Variants in FRMD8 observed in about 807,000 individuals in gnomAD.
FRMD8 encodes the protein FERM domain containing 8.
A neutral mutation model predicts 54.2 loss-of-function variants in FRMD8; 37 were observed. That is an observed-to-expected ratio of 0.68 (90% CI 0.53 to 0.90). FRMD8 has a LOEUF of 0.90. Ranked by LOEUF, FRMD8 falls within the 40% of genes least tolerant of loss-of-function variation. The pLI, the probability that FRMD8 is intolerant of heterozygous loss-of-function variation, is 0.00. For synonymous variants in FRMD8, 246 were observed against 286.9 expected, an observed-to-expected ratio of 0.86 and a Z score of 1.44; for missense variants, 585 against 653.7, an observed-to-expected ratio of 0.89 and a Z score of 1.15.
intron 3 of FRMD8, among the ~76,000 whole-genome samples, chr11:65,391,561 A>G (rs535980785): frequency 8.7e-4 from 132 of 151,786 alleles, no homozygotes; most frequent in African/African-American, 3.0e-3. Flanking sequence ...CCCAGGTTGG[A>G]GTGCAGTGGT....
chr11:65,394,282 G>T lies in FRMD8; in HGVS notation c.438G>T (p.Arg146=). The change falls in exon 6 of 11, where the codon CGG becomes CGT. Residue 146 remains arginine, a synonymous_variant. Coordinates refer to ENST00000317568, the MANE Select transcript of FRMD8 (RefSeq NM_031904.5). ...AGATCCATGACGAGGAGGTCCTGCGGCTGCTCTATGAGGAGGCCAAGGGCA... is the reference window on the plus strand; with the variant it reads ...AGATCCATGACGAGGAGGTCCTGCGTCTGCTCTATGAGGAGGCCAAGGGCA... ...ELQIHDEEVL[R]LLYEEAKGNV... The T allele has an allele frequency of 6.3e-7, 1 of 1,598,046 alleles. No homozygotes were observed. The highest frequency in any genetic ancestry group is 8.5e-7 in the Non-Finnish European group (1 of 1,172,620).
the FRMD8 span, among the ~76,000 whole-genome samples, chr11:65,371,760 G>C: frequency 6.6e-6 from 1 of 151,848 alleles, no homozygotes; most frequent in Admixed American, 6.6e-5. Flanking sequence ...GACTACAGGT[G>C]CGTGCCACCA....
chr11:65,381,892 C>G (rs1855580976), upstream of FRMD8: 1 of 1,614,056 alleles, frequency 6.2e-7, no homozygotes, highest in African/African-American at 1.3e-5. Flanking sequence ...TGTGATGTGA[C>G]AGAAGGAAGA....
chr11:65,370,593 C>T, the FRMD8 span, among the ~76,000 whole-genome samples: 4 of 151,412 alleles, frequency 2.6e-5, no homozygotes, highest in South Asian at 2.1e-4. Context: ...CCCAGCTACT[C>T]GGGAGGCTGA....
chr11:65,411,540 A>G lies in FRMD8; in HGVS notation c.*180A>G, dbSNP rs946724593. 6.1e-6 allele frequency: 3 copies of G among 489,370 alleles called. No homozygotes were observed. The highest frequency in any genetic ancestry group is 4.0e-5 in the African/African-American group (2 of 50,252). 30.3% of individuals were successfully genotyped at this position (489,370 alleles called of 1,614,324 possible). ...CCCGGGGCCATGCCCGGGCTGTGCA[A>G]AGCTGGCCAGGGCCTCCTGTAGGGC... On this transcript the variant is annotated 3_prime_UTR_variant, in exon 11 of 11. Transcript: ENST00000317568.
At chr11:65,393,494 C>G (rs1855881834) in intron 3 of FRMD8, 79 bp from the exon 4 acceptor site, 2 of 1,043,520 alleles carry the variant, frequency 1.9e-6, no homozygotes. Context: ...TGTCGTCATG[C>G]TGTGCGGTGT....
At chr11:65,400,000 C>A in intron 8 of FRMD8, 141 bp downstream of exon 8, 2 of 998,652 alleles carry the variant, frequency 2.0e-6, no homozygotes, top group Non-Finnish European at 2.9e-6. Context: ...GTTGGATGTC[C>A]TCGTAGCCCC....
In FRMD8 at chr11:65,402,301, C is replaced by T. The variant is rs550873543; in HGVS notation, c.1071+1434C>T. ...CTGGGGAGGCAGAGATTGTGGTAAG[C>T]CGAGATGGTGCCACTGCACTCCAGC... On this transcript the variant is annotated intron_variant, in intron 9 of 10. Transcript: ENST00000317568. Among the ~76,000 whole-genome samples, 32 of 151,918 alleles carry T rather than the reference C, an allele frequency of 2.1e-4. No individual in the cohort carries two copies. In the South Asian group the frequency reaches 6.4e-3, roughly 31 times the overall value.
At chr11:65,370,599 G>A in the FRMD8 span, among the ~76,000 whole-genome samples, 3 of 151,956 alleles carry the variant, frequency 2.0e-5, no homozygotes, top group Non-Finnish European at 2.9e-5. Context: ...TACTCGGGAG[G>A]CTGAGGCAGA....
At chr11:65,379,996 C>T in the FRMD8 span, 1 of 1,604,902 alleles carries the variant, frequency 6.2e-7, no homozygotes, top group Non-Finnish European at 8.5e-7. Flanking sequence ...CCAACCTTTC[C>T]CTCTGCCCCC....
At chr11:65,411,108 G>A (rs1024595175) in intron 10 of FRMD8, 134 bp from the exon 11 acceptor site, 12 of 642,026 alleles carry the variant, frequency 1.9e-5, no homozygotes, top group South Asian at 1.3e-4. Context: ...GCTGAGGCTC[G>A]GATGAGGGGA....
chr11:65,393,669 C>T lies in FRMD8; in HGVS notation c.350C>T (p.Ala117Val). ...RFTSAPDDDV[A>V]MDEPFLQFRR... is the part of the protein sequence containing the mutation. Reference sequence around the variant, plus strand: ...ACCAGTGCCCCAGACGATGACGTGGCCATGGGTCAGTGCTGCTGCCTGTCT... The same window carrying T: ...ACCAGTGCCCCAGACGATGACGTGGTCATGGGTCAGTGCTGCTGCCTGTCT... The change falls in exon 4 of 11, where the codon GCC becomes GTC. Residue 117 changes from alanine (A) to valine (V), a missense_variant. Ala to Val is a moderately conservative substitution (Grantham distance 64, BLOSUM62 0). Transcript: ENST00000317568. 1 of 1,603,630 alleles carries T rather than the reference C, an allele frequency of 6.2e-7. No homozygotes were observed. Among genetic ancestry groups the T allele is most frequent in the Non-Finnish European group, 8.5e-7 (1 of 1,178,490 alleles).
At position 65,394,443 on chromosome 11, in the gene FRMD8, T is replaced by G. The variant is rs556598550; in HGVS notation, c.581+18T>G. 10 of 1,558,512 alleles carry G rather than the reference T, an allele frequency of 6.4e-6. No homozygotes were observed. The East Asian group carries it at 2.1e-4, about 33-fold the overall frequency. Reference sequence around the variant, plus strand: ...GACCTGAGGTGAGGGCCTGTGTGACTTGAGGCGGGGGCGCTGGGTGGGGGA... The same window carrying G: ...GACCTGAGGTGAGGGCCTGTGTGACGTGAGGCGGGGGCGCTGGGTGGGGGA... On this transcript the variant is annotated intron_variant, in intron 6 of 10. Coordinates refer to ENST00000317568, the MANE Select transcript of FRMD8 (RefSeq NM_031904.5).
At chr11:65,389,228 C>A in intron 2 of FRMD8, 133 bp from the exon 3 acceptor site, 1 of 797,634 alleles carries the variant, frequency 1.3e-6, no homozygotes, top group Non-Finnish European at 2.0e-6. Context: ...GTCTCAGGAG[C>A]GTAGCCCTGG....
intron 7 of FRMD8, 131 bp downstream of exon 7, chr11:65,397,151 G>T: frequency 1.9e-6 from 1 of 523,878 alleles, no homozygotes; most frequent in Non-Finnish European, 3.3e-6. Context: ...CTTGTCACGA[G>T]CACCTCAGGC....
At chr11:65,397,951 C>T (rs542395004) in intron 7 of FRMD8, among the ~76,000 whole-genome samples, 2 of 149,906 alleles carry the variant, frequency 1.3e-5, no homozygotes, top group African/African-American at 2.5e-5. Context: ...TCTCGGCTCA[C>T]TGCAACCTCT....
upstream of FRMD8, chr11:65,381,959 G>T (rs765127270): frequency 3.1e-6 from 5 of 1,613,792 alleles, no homozygotes; most frequent in African/African-American, 6.7e-5. Flanking sequence ...CATTGTCTGG[G>T]CTTGCGGGAA....
chr11:65,401,824 CTTT>C (rs61275056), intron 9 of FRMD8, among the ~76,000 whole-genome samples: 7 of 119,748 alleles, frequency 5.8e-5, no homozygotes, highest in African/African-American at 1.3e-4. Context: ...TCACAATTTT[CTTT>C]TTTTTTTTTT....
At chr11:65,393,896 G>A in intron 4 of FRMD8, 145 bp from the exon 5 acceptor site, 1 of 885,390 alleles carries the variant, frequency 1.1e-6, no homozygotes, top group Non-Finnish European at 1.8e-6. Context: ...ACGTTGGGAT[G>A]AGCTGCACAC....
Sources: gnomAD v4.1 joint callset for allele counts (sites outside exome capture counted in the v4.1 genomes callset) on GRCh38, gnomAD v4.1.1 for gene constraint, MANE v1.5 for transcripts, NCBI Gene and HGNC (gene_info 2026-07-23, HGNC 2026-07-21) for gene names.